The following ZNF92 variants were observed in gnomAD, a reference collection of about 807,000 sequenced individuals.
ZNF92 encodes the protein zinc finger protein 92.
A neutral mutation model predicts 12.4 loss-of-function variants in ZNF92; 11 were observed. The observed-to-expected ratio is 0.89, with a 90% CI of 0.56 to 1.47. The LOEUF is 1.47. Among genes scored for constraint, ZNF92 ranks in the 40% most tolerant of loss-of-function variants. ZNF92 has a pLI of 0.00. For synonymous variants in ZNF92, 206 were observed against 228.6 expected (o/e 0.90, Z 0.89); for missense variants, 622 against 681.0 (o/e 0.91, Z 0.96).
intron 1 of ZNF92, among the ~76,000 whole-genome samples, chr7:65,376,138 C>T (rs1793230228): frequency 6.6e-6 from 1 of 151,944 alleles, no homozygotes; most frequent in Non-Finnish European, 1.5e-5. Context: ...GTCTCAAACT[C>T]CTGAGCTCAG....
intron 1 of ZNF92, among the ~76,000 whole-genome samples, chr7:65,379,178 A>G (rs1342840501): frequency 6.6e-6 from 1 of 152,112 alleles, no homozygotes; most frequent in Non-Finnish European, 1.5e-5. Context: ...TGGACCAATG[A>G]GGTTTTTGAC....
intron 3 of ZNF92, among the ~76,000 whole-genome samples, chr7:65,397,382 C>T (rs779717464): frequency 8.7e-5 from 13 of 149,156 alleles, no homozygotes; most frequent in Non-Finnish European, 1.8e-4. Context: ...GAGGGGGTGT[C>T]GATATTTTGA....
At chr7:65,382,723 CTTCT>C (rs1365538983) in intron 1 of ZNF92, among the ~76,000 whole-genome samples, 3 of 152,106 alleles carry the variant, frequency 2.0e-5, no homozygotes, top group Non-Finnish European at 4.4e-5. Flanking sequence ...TTTCCCCTTC[CTTCT>C]CTTTTTAAAA....
At chr7:65,374,108 C>A in intron 1 of ZNF92, 108 bp downstream of exon 1, 1 of 1,488,728 alleles carries the variant, frequency 6.7e-7, no homozygotes, top group Non-Finnish European at 9.3e-7. Context: ...CTCCGAGATC[C>A]GCGGCCCGAG....
Position 65,380,531 on chromosome 7 carries a change from C to G in ZNF92, c.3+6531C>G, listed in dbSNP as rs148105272. On this transcript the variant is annotated intron_variant, in intron 1 of 3. Transcript: ENST00000328747. Reference sequence around the variant, plus strand: ...ACGCAATCCACCTGCCTCACCCTGCCAAAGTGCTGGGATTACAGGCGTGAA... The same window carrying G: ...ACGCAATCCACCTGCCTCACCCTGCGAAAGTGCTGGGATTACAGGCGTGAA... Among the ~76,000 whole-genome samples the G allele has an allele frequency of 1.2e-3, 181 of 152,240 alleles. 3 individuals are homozygous for G. In the East Asian group the frequency reaches 0.032, roughly 27 times the overall value.
intron 2 of ZNF92, among the ~76,000 whole-genome samples, 167 bp from the exon 3 acceptor site, chr7:65,388,638 TA>T (rs11379548): frequency 9.4e-5 from 14 of 148,282 alleles, no homozygotes; most frequent in South Asian, 4.2e-4. Flanking sequence ...GCTCTGTCTT[TA>T]AAAAAAAAAA....
intron 1 of ZNF92, among the ~76,000 whole-genome samples, chr7:65,386,297 G>T (rs1015835880): frequency 5.3e-5 from 8 of 152,048 alleles, no homozygotes; most frequent in African/African-American, 1.9e-4. Context: ...GGGATTACAG[G>T]CATGAGCCAC....
chr7:65,384,024 G>A (rs888220416), intron 1 of ZNF92, among the ~76,000 whole-genome samples: 4 of 152,084 alleles, frequency 2.6e-5, no homozygotes, highest in Non-Finnish European at 4.4e-5. Context: ...TCTTTATATT[G>A]TTGTGACTTC....
At chr7:65,382,137 G>A (rs1227004088) in intron 1 of ZNF92, among the ~76,000 whole-genome samples, 2 of 152,002 alleles carry the variant, frequency 1.3e-5, no homozygotes, top group Non-Finnish European at 1.5e-5. Context: ...CCAGTTGCCA[G>A]GTGAATTTAG....
intron 3 of ZNF92, among the ~76,000 whole-genome samples, chr7:65,393,813 A>G (rs575243936): frequency 1.5e-4 from 23 of 152,010 alleles, no homozygotes; most frequent in African/African-American, 4.8e-4. Flanking sequence ...TAAAGATTCA[A>G]TTATTTAAAA....
intron 3 of ZNF92, among the ~76,000 whole-genome samples, chr7:65,392,292 G>C (rs1018259549): frequency 2.0e-5 from 3 of 150,916 alleles, no homozygotes; most frequent in African/African-American, 7.3e-5. Flanking sequence ...GATAAATATT[G>C]TATAATTTCC....
Position 65,398,728 on chromosome 7 carries a change from A to C in ZNF92, c.614A>C (p.Glu205Ala). The change falls in exon 4 of 4, where the codon GAA becomes GCA. Residue 205 changes from glutamate to alanine, a missense_variant. Physicochemically the swap from Glu to Ala is moderately radical, Grantham distance 107. Coordinates refer to ENST00000328747, the MANE Select transcript of ZNF92 (RefSeq NM_152626.4). ...HTREYSYKCE[E>A]CGKAFNWSST... Reference sequence around the variant, plus strand: ...AGAGAGTATTCTTACAAATGTGAAGAATGTGGTAAAGCCTTTAACTGGTCC... The same window carrying C: ...AGAGAGTATTCTTACAAATGTGAAGCATGTGGTAAAGCCTTTAACTGGTCC... 2 of 1,612,500 alleles carry C rather than the reference A, an allele frequency of 1.2e-6. No individual in the cohort carries two copies. Among genetic ancestry groups the C allele is most frequent in the Non-Finnish European group, 1.7e-6 (2 of 1,179,532 alleles).
chr7:65,374,798 C>T (rs1411435113), intron 1 of ZNF92, among the ~76,000 whole-genome samples: 2 of 151,948 alleles, frequency 1.3e-5, no homozygotes, highest in Non-Finnish European at 2.9e-5. Flanking sequence ...ATTTTCACAT[C>T]CACAGGGGAC....
chr7:65,377,165 T>C (rs1414854512), intron 1 of ZNF92, among the ~76,000 whole-genome samples: 1 of 152,168 alleles, frequency 6.6e-6, no homozygotes, highest in East Asian at 1.9e-4. Context: ...ATTTATACTG[T>C]GTTTGAGTAA....
chr7:65,399,934 T>A lies in ZNF92; in HGVS notation c.*59T>A. The A allele has an allele frequency of 7.1e-7, 1 of 1,410,318 alleles. No individual in the cohort carries two copies. Among genetic ancestry groups the A allele is most frequent in the South Asian group, 1.5e-5 (1 of 67,822 alleles). The allele number at this position is 1,410,318 out of a possible 1,614,324, so 87.4% of individuals were successfully genotyped here. ...CTTTTCTAAACATAAACCATATTGG[T>A]GCCCTAGAAATGTGAGGAATATGAC... On this transcript the variant is annotated 3_prime_UTR_variant, in exon 4 of 4. Coordinates refer to ENST00000328747, the MANE Select transcript of ZNF92 (RefSeq NM_152626.4).
At chr7:65,389,655 T>C (rs1231741880) in intron 3 of ZNF92, among the ~76,000 whole-genome samples, 2 of 152,004 alleles carry the variant, frequency 1.3e-5, no homozygotes, top group African/African-American at 4.8e-5. Flanking sequence ...TAGCTGGGAC[T>C]ATAGGCATGC....
intron 1 of ZNF92, among the ~76,000 whole-genome samples, chr7:65,378,134 C>T (rs1238185887): frequency 6.7e-6 from 1 of 150,364 alleles, no homozygotes; most frequent in Non-Finnish European, 1.5e-5. Context: ...GGCGGATCTA[C>T]TAAAAGTACA....
chr7:65,392,150 G>A (rs1413624883), intron 3 of ZNF92, among the ~76,000 whole-genome samples: 1 of 151,902 alleles, frequency 6.6e-6, no homozygotes, highest in African/African-American at 2.4e-5. Flanking sequence ...ATATGTGTGT[G>A]TTTTTATCTA....
intron 3 of ZNF92, among the ~76,000 whole-genome samples, chr7:65,396,656 T>C (rs1793854336): frequency 6.6e-6 from 1 of 152,096 alleles, no homozygotes; most frequent in Non-Finnish European, 1.5e-5. Context: ...CATTATTTTA[T>C]TTTTCAACAT....
Sources: allele counts gnomAD v4.1 joint callset (sites outside exome capture counted in the v4.1 genomes callset), GRCh38; gene constraint gnomAD v4.1.1; transcripts MANE v1.5; gene names NCBI Gene and HGNC (gene_info 2026-07-23, HGNC 2026-07-21).